MACROD2: variants seen among roughly 807,000 people sequenced by gnomAD.
MACROD2 encodes the protein ADP-ribose glycohydrolase MACROD2.
MACROD2 carries 36 observed loss-of-function variants against 70.4 expected under a neutral mutation model. That is an observed-to-expected ratio of 0.51 (90% CI 0.39 to 0.68). The LOEUF is 0.68. MACROD2 is among the 30% of genes least tolerant of loss of function. The pLI is 0.00. For synonymous variants in MACROD2, 172 were observed against 178.8 expected, an observed-to-expected ratio of 0.96 and a Z score of 0.30; for missense variants, 496 against 538.4, an observed-to-expected ratio of 0.92 and a Z score of 0.78.
intron 4 of MACROD2, among the ~76,000 whole-genome samples, chr20:14,559,630 C>T (rs1381565491): frequency 6.6e-6 from 1 of 151,786 alleles, no homozygotes; most frequent in African/African-American, 2.4e-5. Flanking sequence ...CTTACTGATA[C>T]TAAAATGTTC....
chr20:14,961,244 G>C (rs2074580987), intron 5 of MACROD2, among the ~76,000 whole-genome samples: 1 of 152,126 alleles, frequency 6.6e-6, no homozygotes, highest in African/African-American at 2.4e-5. Flanking sequence ...GTTATTAATA[G>C]AAATACTGAG....
chr20:14,220,096 T>C (rs1401834661), intron 3 of MACROD2, among the ~76,000 whole-genome samples: 2 of 151,996 alleles, frequency 1.3e-5, no homozygotes, highest in Non-Finnish European at 2.9e-5. Flanking sequence ...AACAACCAAG[T>C]TTATATACCC....
chr20:14,908,060 T>C (rs2073980425), intron 5 of MACROD2, among the ~76,000 whole-genome samples: 1 of 152,184 alleles, frequency 6.6e-6, no homozygotes, highest in Non-Finnish European at 1.5e-5. Context: ...AAGTGTATTG[T>C]CAGCCAGGCA....
intron 15 of MACROD2, among the ~76,000 whole-genome samples, chr20:16,038,785 A>G (rs2067269283): frequency 1.3e-5 from 2 of 151,930 alleles, no homozygotes; most frequent in African/African-American, 4.8e-5. Flanking sequence ...TGAATTCTGG[A>G]CACTGTTTGA....
At chr20:15,302,512 G>C (rs553826759) in intron 6 of MACROD2, among the ~76,000 whole-genome samples, 13 of 152,264 alleles carry the variant, frequency 8.5e-5, no homozygotes, top group African/African-American at 2.4e-4. Context: ...AGTTGGTGTA[G>C]AACTCACTCA....
chr20:15,828,981 T>G (rs73614468), intron 8 of MACROD2, among the ~76,000 whole-genome samples: 7,792 of 152,282 alleles, frequency 0.051, 407 homozygotes, highest in East Asian at 0.23. Flanking sequence ...ATGTTGGTGT[T>G]TCACCTGCCT....
chr20:14,438,498 A>G (rs1323556818), intron 3 of MACROD2, among the ~76,000 whole-genome samples: 1 of 152,172 alleles, frequency 6.6e-6, no homozygotes, highest in African/African-American at 2.4e-5. Flanking sequence ...ACCATTTTCC[A>G]TAATGGCTGT....
intron 6 of MACROD2, among the ~76,000 whole-genome samples, chr20:15,302,387 C>CACACACACACACACACACACGACAT (rs6147301): frequency 0.023 from 3,399 of 150,518 alleles, 140 homozygotes; most frequent in African/African-American, 0.08. Context: ...CACACATACA[C>CACACACACACACACACACACGACAT]ACATACAGAT....
intron 3 of MACROD2, among the ~76,000 whole-genome samples, chr20:14,358,432 T>G (rs6042691): frequency 0.012 from 1,778 of 152,272 alleles, 30 homozygotes; most frequent in African/African-American, 0.04. Flanking sequence ...TAGGAGGTAG[T>G]TAGTACCATT....
At chr20:14,081,085 AATCTTGCT>A (rs1209947255) in intron 2 of MACROD2, among the ~76,000 whole-genome samples, 1 of 152,230 alleles carries the variant, frequency 6.6e-6, no homozygotes, top group Non-Finnish European at 1.5e-5. Flanking sequence ...TTTCAGCAAG[AATCTTGCT>A]AAGTTAGTTA....
At chr20:15,181,440 T>C (rs2076499848) in intron 5 of MACROD2, among the ~76,000 whole-genome samples, 1 of 152,218 alleles carries the variant, frequency 6.6e-6, no homozygotes, top group Non-Finnish European at 1.5e-5. Flanking sequence ...ATTAATATTG[T>C]CATTAATGCT....
intron 5 of MACROD2, among the ~76,000 whole-genome samples, chr20:15,154,629 A>G (rs185251434): frequency 1.3e-5 from 2 of 152,268 alleles, no homozygotes; most frequent in Non-Finnish European, 2.9e-5. Context: ...CACTTTACAG[A>G]TCCCGTCTTG....
chr20:14,132,077 G>T (rs908059527), intron 3 of MACROD2, among the ~76,000 whole-genome samples: 1 of 140,414 alleles, frequency 7.1e-6, no homozygotes, highest in Admixed American at 7.8e-5. Context: ...CTTGCAGTGA[G>T]CCAAGATCAC....
At chr20:14,771,759 C>T (rs573232063) in intron 5 of MACROD2, among the ~76,000 whole-genome samples, 1 of 151,550 alleles carries the variant, frequency 6.6e-6, no homozygotes, top group Non-Finnish European at 1.5e-5. Context: ...CACACACACA[C>T]ACACATACAC....
At chr20:15,331,709 C>G (rs982478769) in intron 6 of MACROD2, among the ~76,000 whole-genome samples, 6 of 151,694 alleles carry the variant, frequency 4.0e-5, no homozygotes, top group Admixed American at 3.9e-4. Flanking sequence ...CTTCTCATGT[C>G]ATTTTCAAGA....
At chr20:14,339,719 C>T (rs762906993) in intron 3 of MACROD2, among the ~76,000 whole-genome samples, 3 of 152,134 alleles carry the variant, frequency 2.0e-5, no homozygotes, top group Non-Finnish European at 4.4e-5. Flanking sequence ...CATCACTTGA[C>T]AAATAAAGGC....
intron 3 of MACROD2, among the ~76,000 whole-genome samples, chr20:14,336,680 T>G (rs1051879893): frequency 1.3e-5 from 2 of 152,224 alleles, no homozygotes; most frequent in Non-Finnish European, 2.9e-5. Flanking sequence ...TTAGTTTTTC[T>G]GAGTAGACTT....
At chr20:15,600,761 G>A (rs2048808668) in intron 8 of MACROD2, among the ~76,000 whole-genome samples, 1 of 152,132 alleles carries the variant, frequency 6.6e-6, no homozygotes, top group Admixed American at 6.5e-5. Context: ...GCAGGTTTGT[G>A]GAGAATATGC....
chr20:14,481,642 G>A (rs962639210), intron 3 of MACROD2, among the ~76,000 whole-genome samples: 9 of 151,998 alleles, frequency 5.9e-5, no homozygotes, highest in Non-Finnish European at 1.2e-4. Context: ...AAATAATTTG[G>A]GAGAAATAAA....
Sources: allele counts gnomAD v4.1 joint callset (sites outside exome capture counted in the v4.1 genomes callset), GRCh38; gene constraint gnomAD v4.1.1; transcripts MANE v1.5; gene names NCBI Gene and HGNC (gene_info 2026-07-23, HGNC 2026-07-21).